The following PPIC variants were observed in gnomAD, a reference collection of about 807,000 sequenced individuals.
The protein encoded by PPIC is peptidyl-prolyl cis-trans isomerase C.
In PPIC, 19 loss-of-function variants were observed where a neutral mutation model predicts 19.5. That is an observed-to-expected ratio of 0.98 (90% CI 0.68 to 1.43). The LOEUF (loss-of-function observed/expected upper bound fraction) is 1.43. Among genes scored for constraint, PPIC ranks in the 40% most tolerant of loss-of-function variants. The pLI is 0.00. For missense variants in PPIC, 268 were observed against 268.6 expected (o/e 1.00, Z 0.02); for synonymous variants, 107 against 101.2 (o/e 1.06, Z -0.34).
At chr5:123,035,284 T>C (rs529371517) in intron 1 of PPIC, among the ~76,000 whole-genome samples, 9 of 152,316 alleles carry the variant, frequency 5.9e-5, no homozygotes, top group African/African-American at 1.9e-4. Flanking sequence ...CCTCCAACAT[T>C]TCATAATTGT....
At chr5:123,033,799 T>C (rs531847671) in intron 1 of PPIC, among the ~76,000 whole-genome samples, 52 of 152,368 alleles carry the variant, frequency 3.4e-4, no homozygotes, top group African/African-American at 1.2e-3. Context: ...TACATGCTAA[T>C]GTGCTTGCAA....
rs371256743 is a variant in PPIC at position 123,029,408 on chromosome 5, T to A, written c.128A>T (p.Asp43Val). 6.3e-7 allele frequency: 1 copy of A among 1,598,900 alleles called. No individual in the cohort carries two copies. The highest frequency in any genetic ancestry group is 1.3e-5 in the African/African-American group (1 of 74,248). The change falls in exon 2 of 5, where the codon GAT (aspartate) becomes GTT (valine). Residue 43 changes from aspartate (D) to valine (V), a missense_variant. Transcript: ENST00000306442. ...AACATCTTTGTCTCCAATCCTCACA[T>A]CAAAGAAGACCTGTGTGCAGTTGAA... ...GPSVTAKVFFDVRIGDKDVGR... is the reference protein window; with the variant it reads ...GPSVTAKVFFVVRIGDKDVGR...
Position 123,036,427 on chromosome 5 carries a change from T to G in PPIC, c.117+82A>C. The stretch of plus-strand genomic sequence containing the variant: ...CGGGAAGCCTCCACCTCGCCCGCCC[T>G]GACACCGAGGTCCCAGTATCCAAAG... On this transcript the variant is annotated intron_variant, in intron 1 of 4. Coordinates refer to ENST00000306442, the MANE Select transcript of PPIC (RefSeq NM_000943.5). The surrounding 1 kb of genome is among the most constrained non-coding windows in gnomAD (Gnocchi z 4.5). 7.8e-7 allele frequency: 1 copy of G among 1,282,014 alleles called. No individual in the cohort carries two copies. The highest frequency in any genetic ancestry group is 1.1e-6 in the Non-Finnish European group (1 of 912,176). 79.4% of individuals were successfully genotyped at this position (1,282,014 alleles called of 1,614,324 possible). A position where few individuals can be genotyped will look rare whatever the true frequency, so the allele number is the denominator to read the frequency against.
chr5:123,033,793 T>C (rs756366176), intron 1 of PPIC, among the ~76,000 whole-genome samples: 1 of 152,208 alleles, frequency 6.6e-6, no homozygotes, highest in South Asian at 2.1e-4. Flanking sequence ...GGCCACTACA[T>C]GCTAATGTGC....
In PPIC at chr5:123,036,260, A is replaced by C; in HGVS notation, c.117+249T>G. 1.9e-6 allele frequency: 1 copy of C among 528,928 alleles called. No homozygotes were observed. Among genetic ancestry groups the C allele is most frequent in the Non-Finnish European group, 3.4e-6 (1 of 295,802 alleles). The allele number at this position is 528,928 out of a possible 1,614,324, so 32.8% of individuals were successfully genotyped here. On this transcript the variant is annotated intron_variant, in intron 1 of 4. Coordinates refer to ENST00000306442, the MANE Select transcript of PPIC (RefSeq NM_000943.5). This position sits in a 1 kb window ranked among gnomAD's most constrained non-coding sequence, Gnocchi z 4.5. ...GGTCACCTCGGACTACCGACCCGGG[A>C]CAAGAAGTCCAAGCAGACTGCGGCG...
intron 1 of PPIC, among the ~76,000 whole-genome samples, chr5:123,033,698 T>C: frequency 6.6e-6 from 1 of 152,244 alleles, no homozygotes; most frequent in Non-Finnish European, 1.5e-5. Context: ...CAGGTAGGGA[T>C]GATTTCTATC....
At position 123,036,055 on chromosome 5, in the gene PPIC, A is replaced by G. The variant is rs1327164601; in HGVS notation, c.117+454T>C. Among the ~76,000 whole-genome samples, 2 of 152,166 alleles carry G rather than the reference A, an allele frequency of 1.3e-5. No individual in the cohort carries two copies. The highest frequency in any genetic ancestry group is 2.4e-5 in the African/African-American group (1 of 41,436). On this transcript the variant is annotated intron_variant, in intron 1 of 4. Transcript: ENST00000306442. This position sits in a 1 kb window ranked among gnomAD's most constrained non-coding sequence, Gnocchi z 4.5. ...ACCGCGGCCAGCGTGGAGACCACGC[A>G]GCGGGCGGGCGGCTGCAAGCCCTGG...
intron 3 of PPIC, 99 bp downstream of exon 3, chr5:123,028,676 T>G (rs1762898091): frequency 1.1e-6 from 1 of 936,946 alleles, no homozygotes; most frequent in Non-Finnish European, 1.6e-6. Context: ...TTTACAACTG[T>G]GTTCCTTAGC....
At position 123,036,303 on chromosome 5, in the gene PPIC, G is replaced by C. The variant is rs1179538646; in HGVS notation, c.117+206C>G. 4.1e-5 allele frequency: 24 copies of C among 584,494 alleles called. No homozygotes were observed. The East Asian group carries it at 7.0e-4, about 17-fold the overall frequency. The allele number at this position is 584,494 out of a possible 1,614,324, so 36.2% of individuals were successfully genotyped here. A position where few individuals can be genotyped will look rare whatever the true frequency, so the allele number is the denominator to read the frequency against. On this transcript the variant is annotated intron_variant, in intron 1 of 4. Transcript: ENST00000306442. The surrounding 1 kb of genome is among the most constrained non-coding windows in gnomAD (Gnocchi z 4.5). ...CTGCGGCGGAGGTAGGCTGGCCTCA[G>C]CCCAGCTCCCCCAGGGTCTCCCCCG...
chr5:123,033,306 G>A (rs1762965812), intron 1 of PPIC, among the ~76,000 whole-genome samples: 1 of 152,202 alleles, frequency 6.6e-6, no homozygotes, highest in Admixed American at 6.5e-5. Context: ...TAATGTTGGA[G>A]GTGGGGCCTA....
chr5:123,029,756 A>C (rs1762919312), intron 1 of PPIC, among the ~76,000 whole-genome samples: 1 of 152,218 alleles, frequency 6.6e-6, no homozygotes, highest in Non-Finnish European at 1.5e-5. Context: ...CGCTGCTGCT[A>C]CTTCCCATTT....
intron 1 of PPIC, among the ~76,000 whole-genome samples, chr5:123,031,656 C>T (rs1762943750): frequency 6.6e-6 from 1 of 152,072 alleles, no homozygotes; most frequent in Non-Finnish European, 1.5e-5. Context: ...AGAATAAGGT[C>T]AAGCGAGGCT....
At position 123,024,420 on chromosome 5, in the gene PPIC, T is replaced by C. The variant is rs570813207; in HGVS notation, c.511-417A>G. Among the ~76,000 whole-genome samples the C allele has an allele frequency of 6.3e-4, 96 of 152,294 alleles. 2 individuals carry two copies. The highest frequency in any genetic ancestry group is 2.1e-4 in the Non-Finnish European group (14 of 68,036). Reference sequence around the variant, plus strand: ...CTCCATCCTGTAATAGGTCTTCACATGTATGGGCCAGAAAGCAGATTCAGA... The same window carrying C: ...CTCCATCCTGTAATAGGTCTTCACACGTATGGGCCAGAAAGCAGATTCAGA... On this transcript the variant is annotated intron_variant, in intron 4 of 4. Transcript: ENST00000306442.
chr5:123,029,425 G>A lies in PPIC; in HGVS notation c.118-7C>T, dbSNP rs747858245. The A allele has an allele frequency of 3.8e-6, 6 of 1,571,640 alleles. No individual in the cohort carries two copies. Among genetic ancestry groups the A allele is most frequent in the Non-Finnish European group, 5.2e-6 (6 of 1,159,010 alleles). On this transcript the variant is annotated splice_polypyrimidine_tract_variant and splice_region_variant and intron_variant, in intron 1 of 4. Transcript: ENST00000306442. The stretch of plus-strand genomic sequence containing the variant: ...TCCTCACATCAAAGAAGACCTGTGT[G>A]CAGTTGAAAGGCAAAGTGGAAGGTT...
chr5:123,023,645 G>T lies in PPIC; in HGVS notation c.*230C>A. On this transcript the variant is annotated 3_prime_UTR_variant, in exon 5 of 5. Transcript: ENST00000306442. ...TTTTAGTTTTAAAATAGCACCACTT[G>T]AGGAAGGGGATATATTTAAGTTCAA... 1 of 448,832 alleles carries T rather than the reference G, an allele frequency of 2.2e-6. No homozygotes were observed. The highest frequency in any genetic ancestry group is 3.4e-6 in the Non-Finnish European group (1 of 291,976). 27.8% of individuals were successfully genotyped at this position (448,832 alleles called of 1,614,324 possible).
chr5:123,032,858 G>A (rs1202993003), intron 1 of PPIC, among the ~76,000 whole-genome samples: 2 of 152,136 alleles, frequency 1.3e-5, no homozygotes, highest in African/African-American at 2.4e-5. Context: ...CTAGACTTTG[G>A]GGTGAGCACC....
chr5:123,031,608 G>A (rs963765935), intron 1 of PPIC, among the ~76,000 whole-genome samples: 1 of 152,162 alleles, frequency 6.6e-6, no homozygotes, highest in African/African-American at 2.4e-5. Flanking sequence ...AGATGCTGAC[G>A]TAAGCATGAG....
In PPIC at chr5:123,028,827, G is replaced by A; in HGVS notation, c.273C>T (p.Ile91=). 1.2e-6 allele frequency: 2 copies of A among 1,613,578 alleles called. No individual in the cohort carries two copies. Among genetic ancestry groups the A allele is most frequent in the Non-Finnish European group, 1.7e-6 (2 of 1,179,492 alleles). Residue 91 remains isoleucine, a synonymous_variant, in exon 3 of 5, where the codon ATC becomes ATT. Coordinates refer to ENST00000306442, the MANE Select transcript of PPIC (RefSeq NM_000943.5). Reference sequence around the variant, plus strand: ...CACCTCCTTGAATCATGAAATCCTTGATGACACGATGAAACTTGCTTCCTT... The same window carrying A: ...CACCTCCTTGAATCATGAAATCCTTAATGACACGATGAAACTTGCTTCCTT... ...GYKGSKFHRV[I]KDFMIQGGDI...
At chr5:123,028,454 A>G (rs1459975097) in intron 3 of PPIC, 7 of 227,076 alleles carry the variant, frequency 3.1e-5, no homozygotes, top group African/African-American at 1.6e-4. Context: ...CATGTTCCAC[A>G]CCTTTTCCTT....
Sources: gnomAD v4.1 joint callset for allele counts (sites outside exome capture counted in the v4.1 genomes callset) on GRCh38, gnomAD v4.1.1 for gene constraint, Gnocchi (gnomAD v3.1) non-coding constraint, MANE v1.5 for transcripts, NCBI Gene and HGNC (gene_info 2026-07-23, HGNC 2026-07-21) for gene names.